DNPEP: variants seen among roughly 807,000 people sequenced by gnomAD.
DNPEP encodes aspartyl aminopeptidase.
In DNPEP, 46 loss-of-function variants were observed where a neutral mutation model predicts 59.1. That is an observed-to-expected ratio of 0.78 (90% CI 0.61 to 0.99). The LOEUF is 0.99. DNPEP is among the 50% of genes least tolerant of loss of function. The pLI is 0.00. For synonymous variants in DNPEP, 229 were observed against 242.2 expected (o/e 0.95, Z 0.50); for missense variants, 617 against 649.9 (o/e 0.95, Z 0.55).
At chr2:219,392,345 CTTT>C (rs1321818734), upstream of DNPEP, among the ~76,000 whole-genome samples, 2 of 142,646 alleles carry the variant, frequency 1.4e-5, no homozygotes, top group Admixed American at 7.0e-5. Context: ...ATACATATGT[CTTT>C]TTTTTTTTTT....
rs1421183943 is a variant in DNPEP, at chr2:219,387,756, T to C, written c.36+3A>G. 1 of 1,607,790 alleles carries C rather than the reference T, an allele frequency of 6.2e-7. No homozygotes were observed. The highest frequency in any genetic ancestry group is 8.5e-7 in the Non-Finnish European group (1 of 1,177,728). ...TCAAGTGGGGCCGTCGGGAGCCACT[T>C]ACCTGCATGGCCCCGCGCGTGGGGC... On this transcript the variant is annotated splice_donor_region_variant and intron_variant, in intron 1 of 14. Coordinates refer to ENST00000273075, the MANE Select transcript of DNPEP (RefSeq NM_012100.4).
At chr2:219,390,614 G>C (rs920227867), upstream of DNPEP, among the ~76,000 whole-genome samples, 1 of 152,188 alleles carries the variant, frequency 6.6e-6, no homozygotes, top group Non-Finnish European at 1.5e-5. Context: ...CCAGCACTTT[G>C]GGAGGCAAAG....
Position 219,382,159 on chromosome 2 carries a change from G to A in DNPEP, c.937-20C>T. On this transcript the variant is annotated intron_variant, in intron 10 of 14. Coordinates refer to ENST00000273075, the MANE Select transcript of DNPEP (RefSeq NM_012100.4). The stretch of plus-strand genomic sequence containing the variant: ...CCCCACCTGGCGACAGTAGAGTCCT[G>A]ACTCTGGGAATCTGGGCTTAGGGGC... The A allele has an allele frequency of 6.2e-7, 1 of 1,602,490 alleles. No individual in the cohort carries two copies. The highest frequency in any genetic ancestry group is 8.5e-7 in the Non-Finnish European group (1 of 1,177,736).
In DNPEP at chr2:219,384,382, C is replaced by A. The variant is rs1347767117; in HGVS notation, c.836G>T (p.Cys279Phe). 6.2e-7 allele frequency: 1 copy of A among 1,610,502 alleles called. No individual in the cohort carries two copies. The highest frequency in any genetic ancestry group is 8.5e-7 in the Non-Finnish European group (1 of 1,178,480). The stretch of plus-strand genomic sequence containing the variant: ...GCTCCTCACCTGCAGGGCACAGAAG[C>A]AGCTGTGCAGATTGTCCAGCCGAGG... ...FAPRLDNLHS[C>F]FCALQALIDS... Residue 279 changes from cysteine to phenylalanine, a missense_variant, in exon 9 of 15, where the codon TGC becomes TTC. Physicochemically the swap from Cys to Phe is radical, Grantham distance 205. Coordinates refer to ENST00000273075, the MANE Select transcript of DNPEP (RefSeq NM_012100.4).
upstream of DNPEP, chr2:219,388,008 CG>C (rs1189830582): frequency 8.5e-7 from 1 of 1,180,978 alleles, no homozygotes; most frequent in Admixed American, 4.3e-5. Context: ...CCCCGCCCCT[CG>C]GCGGGCTTAC....
rs1953251279 is a variant in DNPEP, at chr2:219,373,332, T to C, written c.*960A>G. Among the ~76,000 whole-genome samples, 1 of 151,942 alleles carries C rather than the reference T, an allele frequency of 6.6e-6. No homozygotes were observed. Among genetic ancestry groups the C allele is most frequent in the African/African-American group, 2.4e-5 (1 of 41,366 alleles). On this transcript the variant is annotated 3_prime_UTR_variant, in exon 15 of 15. Coordinates refer to ENST00000273075, the MANE Select transcript of DNPEP (RefSeq NM_012100.4). ...ATCCGCCCACCTCAGCCTCCTAAAG[T>C]GCTGGGACTACAGGCATGACCCATC...
At chr2:219,399,279 A>G (rs1195125914) in intron 1 of DNPEP, among the ~76,000 whole-genome samples, 1 of 152,224 alleles carries the variant, frequency 6.6e-6, no homozygotes, top group Non-Finnish European at 1.5e-5. Context: ...CATCAGTAAT[A>G]AAAATATCAA....
At chr2:219,377,936 AC>A (rs1223871748) in intron 13 of DNPEP, among the ~76,000 whole-genome samples, 5 of 151,146 alleles carry the variant, frequency 3.3e-5, no homozygotes, top group Admixed American at 1.3e-4. Flanking sequence ...TTTTAAAAAA[AC>A]ATTAAAAAAA....
rs555549982 is a variant in DNPEP, at chr2:219,375,678, C to T, written c.1240-656G>A. On this transcript the variant is annotated intron_variant, in intron 13 of 14. Transcript: ENST00000273075. ...CTGGGTTCAAGCGATTCTCCTGTCT[C>T]AGCCTCCCAAGTAGCTGGGATTACA... 6.6e-5 allele frequency among the ~76,000 whole-genome samples: 10 copies of T among 152,298 alleles called. No individual in the cohort carries two copies. In the South Asian group the frequency reaches 2.1e-3, roughly 32 times the overall value.
chr2:219,381,896 T>C, intron 11 of DNPEP, 83 bp downstream of exon 11: 1 of 1,529,544 alleles, frequency 6.5e-7, no homozygotes, highest in Non-Finnish European at 9.0e-7. Context: ...AGGAAGAGGC[T>C]GGGGCCAAGG....
chr2:219,399,879 T>C, intron 1 of DNPEP: 2 of 1,550,544 alleles, frequency 1.3e-6, no homozygotes, highest in Non-Finnish European at 1.7e-6. Flanking sequence ...GTGGTAGCCA[T>C]TGAGCCAGCT....
chr2:219,385,481 C>A lies in DNPEP; in HGVS notation c.717G>T (p.Gly239=). ...VLMSLLCAHL[G]LSPKDIVEME... is the part of the protein sequence containing the mutation. ...TCTCCACTATGTCCTTGGGGCTCAG[C>A]CCCAGATGGGCACAGAGCAGGGACA... is the stretch of plus-strand genomic sequence containing the variant. The change falls in exon 8 of 15, where the codon GGG becomes GGT. Residue 239 remains glycine, a synonymous_variant. Coordinates refer to ENST00000273075, the MANE Select transcript of DNPEP (RefSeq NM_012100.4). 1 of 1,608,142 alleles carries A rather than the reference C, an allele frequency of 6.2e-7. No individual in the cohort carries two copies.
At chr2:219,394,986 C>T (rs1393391524) in intron 1 of DNPEP, among the ~76,000 whole-genome samples, 1 of 151,710 alleles carries the variant, frequency 6.6e-6, no homozygotes, top group Admixed American at 6.6e-5. Context: ...GAGGGAGTCT[C>T]ACTCTGTTGC....
chr2:219,378,957 G>A (rs1325083495), intron 13 of DNPEP, among the ~76,000 whole-genome samples: 3 of 151,984 alleles, frequency 2.0e-5, no homozygotes, highest in Non-Finnish European at 4.4e-5. Flanking sequence ...CACTCTTGTC[G>A]CCCAGGCTGG....
upstream of DNPEP, among the ~76,000 whole-genome samples, chr2:219,392,497 T>A (rs6709936): frequency 6.6e-6 from 1 of 151,874 alleles, no homozygotes; most frequent in African/African-American, 2.4e-5. Flanking sequence ...ATAGGTGCCC[T>A]CTACCACACC....
At chr2:219,387,925 G>C, upstream of DNPEP, 1 of 1,344,544 alleles carries the variant, frequency 7.4e-7, no homozygotes, top group South Asian at 1.6e-5. Context: ...CGGCCGCGCC[G>C]CCCCGCCCCA....
intron 9 of DNPEP, 144 bp from the exon 10 acceptor site, chr2:219,383,358 C>CTTT: frequency 2.9e-6 from 2 of 681,528 alleles, no homozygotes; most frequent in Middle Eastern, 4.9e-4. Context: ...ATGGCCATGA[C>CTTT]TTTTATCAAT....
Position 219,387,822 on chromosome 2 carries a change from C to T in DNPEP, c.-28G>A, listed in dbSNP as rs193192269. ...GGCCTCCGGGCTCGGCCCGCCCCCA[C>T]CGCGCCGCCTGCCCCGCCCCTCACT... On this transcript the variant is annotated 5_prime_UTR_variant, in exon 1 of 15. It adds an upstream start codon to the 5' untranslated region. Coordinates refer to ENST00000273075, the MANE Select transcript of DNPEP (RefSeq NM_012100.4). 3.1e-5 allele frequency: 48 copies of T among 1,560,738 alleles called. No individual in the cohort carries two copies. Among genetic ancestry groups the T allele is most frequent in the Middle Eastern group, 2.1e-4 (1 of 4,694 alleles).
In DNPEP at chr2:219,384,688, C is replaced by A. The variant is rs898473207; in HGVS notation, c.775-245G>T. ...GGTTCAAAGGATTCTCGTGCCTCAG[C>A]CTCCTGAGTAGCTGGGATTACAGGC... On this transcript the variant is annotated intron_variant, in intron 8 of 14. Transcript: ENST00000273075. 1.9e-5 allele frequency: 7 copies of A among 369,220 alleles called. No individual in the cohort carries two copies. The East Asian group carries it at 4.5e-4, about 24-fold the overall frequency. 22.9% of individuals were successfully genotyped at this position (369,220 alleles called of 1,614,324 possible). A position where few individuals can be genotyped will look rare whatever the true frequency, so the allele number is the denominator to read the frequency against.
Sources: gnomAD v4.1 joint callset for allele counts (sites outside exome capture counted in the v4.1 genomes callset) on GRCh38, gnomAD v4.1.1 for gene constraint, MANE v1.5 for transcripts, NCBI Gene and HGNC (gene_info 2026-07-23, HGNC 2026-07-21) for gene names.